EFTUD2: variants seen among roughly 807,000 people sequenced by gnomAD.
EFTUD2 encodes 116 kDa U5 small nuclear ribonucleoprotein component.
EFTUD2 carries 9 observed loss-of-function variants against 114.3 expected under a neutral mutation model. That is an observed-to-expected ratio of 0.08 (90% confidence interval 0.05 to 0.14). The LOEUF is 0.14. Among genes scored for constraint, EFTUD2 ranks in the 10% least tolerant of loss-of-function variants. The probability of loss-of-function intolerance (pLI) is 1.00; values close to 1 mark genes in which losing one functional copy is unlikely to be tolerated. For synonymous variants in EFTUD2, 449 were observed against 462.3 expected (o/e 0.97, Z 0.37); for missense variants, 765 against 1,241.2 (o/e 0.62, Z 5.76).
At chr17:44,877,930 G>A (rs534072943) in intron 9 of EFTUD2, among the ~76,000 whole-genome samples, 5 of 152,038 alleles carry the variant, frequency 3.3e-5, no homozygotes, top group Admixed American at 6.6e-5. Context: ...TCAGGAGTTC[G>A]AGACCAGCCT....
At chr17:44,863,547 G>T in intron 15 of EFTUD2, 108 bp downstream of exon 15, 1 of 1,477,568 alleles carries the variant, frequency 6.8e-7, no homozygotes, top group Non-Finnish European at 9.2e-7. Flanking sequence ...CATGGGGATG[G>T]GGAGGCAAGG....
chr17:44,881,006 T>TA (rs1395021784), intron 7 of EFTUD2, among the ~76,000 whole-genome samples: 31 of 151,992 alleles, frequency 2.0e-4, no homozygotes, highest in Admixed American at 3.9e-4. Context: ...AGTTTTTTTT[T>TA]AAAAAAGAAA....
At chr17:44,852,950 G>A (rs1386594225) in intron 25 of EFTUD2, among the ~76,000 whole-genome samples, 3 of 151,684 alleles carry the variant, frequency 2.0e-5, no homozygotes, top group African/African-American at 7.3e-5. Context: ...GCGCCATCTC[G>A]GCTCACTGCA....
intron 13 of EFTUD2, among the ~76,000 whole-genome samples, chr17:44,866,487 T>C (rs2050748148): frequency 1.3e-5 from 2 of 152,204 alleles, no homozygotes; most frequent in African/African-American, 4.8e-5. Flanking sequence ...CTCAGCTCAC[T>C]GCAGCCTCTG....
intron 11 of EFTUD2, among the ~76,000 whole-genome samples, chr17:44,870,381 T>C (rs192581023): frequency 1.6e-3 from 243 of 152,346 alleles, no homozygotes; most frequent in African/African-American, 5.7e-3. Flanking sequence ...GCTACCCATT[T>C]TTAAAAAAGA....
chr17:44,858,739 G>A (rs114710031), intron 19 of EFTUD2, among the ~76,000 whole-genome samples: 137 of 152,092 alleles, frequency 9.0e-4, no homozygotes, highest in African/African-American at 3.2e-3. Context: ...CACCATGCCC[G>A]GCCTGGCTAT....
chr17:44,882,581 G>A (rs569059735), intron 6 of EFTUD2, among the ~76,000 whole-genome samples: 100 of 152,286 alleles, frequency 6.6e-4, no homozygotes, highest in Non-Finnish European at 1.4e-3. Context: ...CTAAAGACCA[G>A]GTATAGCTGA....
At chr17:44,876,950 T>TG (rs2050970436) in intron 9 of EFTUD2, among the ~76,000 whole-genome samples, 1 of 151,026 alleles carries the variant, frequency 6.6e-6, no homozygotes, top group Admixed American at 6.6e-5. Context: ...CCCAGCATTT[T>TG]GGGGAGGCCA....
chr17:44,860,387 C>A, intron 17 of EFTUD2, 45 bp downstream of exon 17: 2 of 1,337,458 alleles, frequency 1.5e-6, no homozygotes, highest in South Asian at 2.3e-5. Context: ...GTCCCTGGGA[C>A]CATCTAGCTT....
intron 9 of EFTUD2, among the ~76,000 whole-genome samples, chr17:44,876,709 T>C (rs2050957313): frequency 6.6e-6 from 1 of 151,526 alleles, no homozygotes; most frequent in Admixed American, 6.6e-5. Context: ...AAAGATGAGC[T>C]GGGCGTGGTG....
intron 11 of EFTUD2, 158 bp from the exon 12 acceptor site, chr17:44,868,508 A>G: frequency 1.6e-6 from 1 of 628,560 alleles, no homozygotes; most frequent in Middle Eastern, 2.6e-4. Context: ...GAGGACACTG[A>G]GGCACAAAGA....
intron 9 of EFTUD2, 148 bp from the exon 10 acceptor site, chr17:44,876,248 T>C: frequency 1.1e-6 from 1 of 925,240 alleles, no homozygotes; most frequent in Non-Finnish European, 1.6e-6. Context: ...GCAGAGAGCA[T>C]CCTGCCCGAA....
At chr17:44,898,223 T>C (rs2051430294) in intron 1 of EFTUD2, among the ~76,000 whole-genome samples, 1 of 152,134 alleles carries the variant, frequency 6.6e-6, no homozygotes, top group Non-Finnish European at 1.5e-5. Flanking sequence ...ATTTATTTTA[T>C]ATATATTTTT....
intron 3 of EFTUD2, 61 bp downstream of exon 3, chr17:44,886,524 A>G: frequency 6.3e-7 from 1 of 1,586,546 alleles, no homozygotes. Flanking sequence ...AGGTTTGCTG[A>G]GAGCTATGAA....
At chr17:44,894,366 C>G (rs1373075921) in intron 2 of EFTUD2, 51 bp downstream of exon 2, 2 of 1,462,502 alleles carry the variant, frequency 1.4e-6, no homozygotes, top group Non-Finnish European at 1.9e-6. Flanking sequence ...GAGATCTTGT[C>G]TTAAATAAAA....
chr17:44,865,061 A>G lies in EFTUD2; in HGVS notation c.1154T>C (p.Val385Ala). Residue 385 changes from valine (V) to alanine (A), a missense_variant, in exon 14 of 28, where the codon GTA (valine) becomes GCA (alanine). Val to Ala is a moderately conservative substitution (Grantham distance 64, BLOSUM62 0). Transcript: ENST00000426333. The part of the protein sequence containing the change: ...EPLYKILAQV[V>A]GDVDTSLPRT... ...TGGGAGGCTGGTGTCCACGTCACCT[A>G]CAACCTGTGAGGGTGTAAGACACCA... 6.2e-7 allele frequency: 1 copy of G among 1,614,194 alleles called. No individual in the cohort carries two copies. The highest frequency in any genetic ancestry group is 1.7e-4 in the Middle Eastern group (1 of 6,060).
intron 26 of EFTUD2, 49 bp downstream of exon 26, chr17:44,852,360 G>C (rs2050471263): frequency 6.2e-7 from 1 of 1,609,552 alleles, no homozygotes; most frequent in Non-Finnish European, 8.5e-7. Flanking sequence ...AGGGGATGAG[G>C]CTTGCAGAGG....
chr17:44,860,465 T>G lies in EFTUD2; in HGVS notation c.1686A>C (p.Thr562=), dbSNP rs2050635285. The G allele has an allele frequency of 1.2e-6, 2 of 1,614,044 alleles. No homozygotes were observed. The highest frequency in any genetic ancestry group is 1.7e-6 in the Non-Finnish European group (2 of 1,180,018). ...TGCCTCGGGGTTCGGTTATGGTTGCTGTCTTCACAATTGGTTGATCAACAC... is the reference window on the plus strand; with the variant it reads ...TGCCTCGGGGTTCGGTTATGGTTGCGGTCTTCACAATTGGTTGATCAACAC... The part of the protein sequence containing the change: ...IEGVDQPIVK[T]ATITEPRGNE... The change falls in exon 17 of 28, where the codon ACA becomes ACC. Residue 562 remains threonine (T), a synonymous_variant. Coordinates refer to ENST00000426333, the MANE Select transcript of EFTUD2 (RefSeq NM_004247.4).
intron 13 of EFTUD2, among the ~76,000 whole-genome samples, chr17:44,865,650 C>T (rs150132250): frequency 2.0e-4 from 31 of 152,160 alleles, no homozygotes; most frequent in East Asian, 1.9e-4. Flanking sequence ...TTTTGTCCAC[C>T]GGAATGGCCA....
Sources: allele counts gnomAD v4.1 joint callset (sites outside exome capture counted in the v4.1 genomes callset), GRCh38; gene constraint gnomAD v4.1.1; transcripts MANE v1.5; gene names NCBI Gene and HGNC (gene_info 2026-07-23, HGNC 2026-07-21).